Variants in YEATS2 observed in about 807,000 individuals in gnomAD.
YEATS2 encodes YEATS domain-containing protein 2.
Under a neutral mutation model 163.2 loss-of-function variants are expected in YEATS2, and 77 were observed. That is an observed-to-expected ratio of 0.47 (90% CI 0.39 to 0.57). The LOEUF is 0.57. Ranked by LOEUF, YEATS2 falls within the 20% of genes least tolerant of loss-of-function variation. The pLI is 0.00. For missense variants in YEATS2, 1,549 were observed against 1,729.8 expected (o/e 0.90, Z 1.85); for synonymous variants, 631 against 645.1 (o/e 0.98, Z 0.33).
intron 15 of YEATS2, among the ~76,000 whole-genome samples, chr3:183,767,810 C>T (rs904421352): frequency 2.4e-4 from 37 of 152,250 alleles, no homozygotes; most frequent in African/African-American, 8.7e-4. Flanking sequence ...AGCCACCACG[C>T]CCGGCAGGAT....
chr3:183,797,140 G>T (rs548905364), intron 21 of YEATS2, among the ~76,000 whole-genome samples: 57 of 151,980 alleles, frequency 3.8e-4, no homozygotes, highest in Admixed American at 9.2e-4. Context: ...ATGGTGGCAT[G>T]CGCCTGTAAT....
At position 183,698,827 on chromosome 3, in the gene YEATS2, A is replaced by T. The variant is rs142374408; in HGVS notation, c.-20+834A>T. Among the ~76,000 whole-genome samples the T allele has an allele frequency of 7.2e-5, 11 of 152,276 alleles. No individual in the cohort carries two copies. The East Asian group carries it at 1.5e-3, about 21-fold the overall frequency. Reference sequence around the variant, plus strand: ...TCATTTCCCCTTTCTTAATGAGTAGAGGGTATTCAGCGTAGAAAAATTTAA... The same window carrying T: ...TCATTTCCCCTTTCTTAATGAGTAGTGGGTATTCAGCGTAGAAAAATTTAA... On this transcript the variant is annotated intron_variant, in intron 1 of 30. Transcript: ENST00000305135.
chr3:183,768,585 T>C (rs189917834), intron 15 of YEATS2, among the ~76,000 whole-genome samples: 48 of 151,938 alleles, frequency 3.2e-4, no homozygotes, highest in African/African-American at 1.1e-3. Flanking sequence ...TCTTGATCAG[T>C]AAGAAGGGTT....
chr3:183,767,261 C>T (rs550614081), intron 15 of YEATS2, among the ~76,000 whole-genome samples: 121 of 151,400 alleles, frequency 8.0e-4, no homozygotes, highest in African/African-American at 2.8e-3. Flanking sequence ...CGTCTAGCTC[C>T]GTTGCCCAGG....
At chr3:183,803,151 T>TG in intron 25 of YEATS2, 105 bp from the exon 26 acceptor site, 1 of 1,173,326 alleles carries the variant, frequency 8.5e-7, no homozygotes. Flanking sequence ...GGAACATACA[T>TG]GCGATAAAGA....
chr3:183,735,145 G>C (rs1718204491), intron 7 of YEATS2, among the ~76,000 whole-genome samples: 1 of 152,136 alleles, frequency 6.6e-6, no homozygotes, highest in African/African-American at 2.4e-5. Context: ...CATAAATTGA[G>C]AAACATACCT....
At chr3:183,707,547 G>A (rs1714736053) in intron 1 of YEATS2, among the ~76,000 whole-genome samples, 1 of 152,118 alleles carries the variant, frequency 6.6e-6, no homozygotes, top group East Asian at 1.9e-4. Context: ...GTTTACAAAA[G>A]AGAATGTATT....
rs200795718 is a variant in YEATS2 at position 183,790,931 on chromosome 3, G to A, written c.3048G>A (p.Thr1016=). The A allele has an allele frequency of 3.2e-4, 513 of 1,614,116 alleles. 5 individuals carry two copies. The South Asian group carries it at 5.2e-3, about 16-fold the overall frequency. ...KAATPTVVSA[T]SLVPTPNPIS... ...CCACCCCCACCGTCGTCAGCGCCAC[G>A]TCCCTCGTGCCTACACCAAACCCCA... Residue 1016 remains threonine (T), a synonymous_variant, in exon 21 of 31, where the codon ACG becomes ACA. Coordinates refer to ENST00000305135, the MANE Select transcript of YEATS2 (RefSeq NM_018023.5).
chr3:183,732,472 T>A (rs1039290405), intron 7 of YEATS2, among the ~76,000 whole-genome samples: 8 of 150,076 alleles, frequency 5.3e-5, no homozygotes, highest in Non-Finnish European at 7.4e-5. Context: ...AAATAAAAAA[T>A]AAATAAATAA....
chr3:183,742,861 C>T (rs955251907), intron 8 of YEATS2, among the ~76,000 whole-genome samples: 5 of 152,176 alleles, frequency 3.3e-5, no homozygotes, highest in Non-Finnish European at 5.9e-5. Flanking sequence ...ATTGCCGTAG[C>T]CACCCAAACC....
At chr3:183,788,129 AC>A (rs1490204418) in intron 20 of YEATS2, among the ~76,000 whole-genome samples, 1 of 152,114 alleles carries the variant, frequency 6.6e-6, no homozygotes, top group Non-Finnish European at 1.5e-5. Flanking sequence ...GGTATCTGTC[AC>A]CCTAAGCATT....
chr3:183,716,962 G>T (rs181307418), intron 2 of YEATS2, among the ~76,000 whole-genome samples: 1 of 150,908 alleles, frequency 6.6e-6, no homozygotes, highest in Non-Finnish European at 1.5e-5. Context: ...GCACGATCTC[G>T]GCTCACTGCC....
intron 8 of YEATS2, 118 bp from the exon 9 acceptor site, chr3:183,747,554 A>G: frequency 3.2e-6 from 2 of 631,770 alleles, no homozygotes; most frequent in East Asian, 3.3e-5. Flanking sequence ...TACATTATGA[A>G]AAAGTAGATC....
intron 15 of YEATS2, among the ~76,000 whole-genome samples, 169 bp downstream of exon 15, chr3:183,762,448 C>A (rs1332818723): frequency 6.6e-6 from 1 of 152,224 alleles, no homozygotes; most frequent in Non-Finnish European, 1.5e-5. Context: ...CTCTTCTACT[C>A]CTGTAGTAAT....
chr3:183,709,306 A>G (rs545446534), intron 1 of YEATS2, among the ~76,000 whole-genome samples: 5 of 152,248 alleles, frequency 3.3e-5, no homozygotes, highest in South Asian at 4.1e-4. Context: ...CTTATGGAAA[A>G]AATCATTTAT....
intron 19 of YEATS2, among the ~76,000 whole-genome samples, chr3:183,785,404 A>G (rs1577189170): frequency 6.8e-6 from 1 of 148,092 alleles, no homozygotes; most frequent in African/African-American, 2.5e-5. Context: ...CAGGAGAATC[A>G]CTTGAACCCG....
At chr3:183,787,695 CTTTTTAAAT>C (rs1488670818) in intron 20 of YEATS2, among the ~76,000 whole-genome samples, 13 of 152,100 alleles carry the variant, frequency 8.5e-5, no homozygotes, top group African/African-American at 3.1e-4. Context: ...GTTTTCATTC[CTTTTTAAAT>C]TTTTTAAATT....
chr3:183,775,565 A>T (rs961603010), intron 17 of YEATS2, among the ~76,000 whole-genome samples: 2 of 152,232 alleles, frequency 1.3e-5, no homozygotes, highest in African/African-American at 2.4e-5. Context: ...ATTGCACTCC[A>T]GCCTGGCGAC....
At position 183,810,563 on chromosome 3, in the gene YEATS2, A is replaced by C; in HGVS notation, c.4249A>C (p.Ile1417Leu). Residue 1417 changes from isoleucine to leucine, a missense_variant, in exon 31 of 31, where the codon ATA becomes CTA. Ile to Leu is a conservative substitution (Grantham distance 5). Transcript: ENST00000305135. The part of the protein sequence containing the change: ...LDFLTNKHMG[I>L]LNEDQ ...CTTCCTCACAAACAAACACATGGGA[A>C]TATTGAATGAGGACCAGTGAGCGGA... 6.2e-7 allele frequency: 1 copy of C among 1,614,106 alleles called. No homozygotes were observed. The highest frequency in any genetic ancestry group is 8.5e-7 in the Non-Finnish European group (1 of 1,179,962).
Sources: allele counts gnomAD v4.1 joint callset (sites outside exome capture counted in the v4.1 genomes callset), GRCh38; gene constraint gnomAD v4.1.1; transcripts MANE v1.5; gene names NCBI Gene and HGNC (gene_info 2026-07-23, HGNC 2026-07-21).